The following ADGRB3 variants were observed in gnomAD, a reference collection of about 807,000 sequenced individuals.
ADGRB3 encodes the protein adhesion G protein-coupled receptor B3.
A neutral mutation model predicts 193.4 loss-of-function variants in ADGRB3; 37 were observed. That is an observed-to-expected ratio of 0.19 (90% CI 0.15 to 0.25). The LOEUF (loss-of-function observed/expected upper bound fraction) is 0.25, where lower values mean the gene tolerates loss of function less well. Among genes scored for constraint, ADGRB3 ranks in the 10% least tolerant of loss-of-function variants. The pLI is 1.00. For synonymous variants in ADGRB3, 690 were observed against 644.2 expected (o/e 1.07, Z -1.08); for missense variants, 1,637 against 1,852.9 (o/e 0.88, Z 2.14).
intron 17 of ADGRB3, among the ~76,000 whole-genome samples, chr6:69,116,543 C>T (rs1199126268): frequency 6.6e-6 from 1 of 152,058 alleles, no homozygotes; most frequent in Non-Finnish European, 1.5e-5. Flanking sequence ...TGATAATATA[C>T]ATGTAAGCTA....
At chr6:68,651,459 C>T (rs912980833) in intron 3 of ADGRB3, among the ~76,000 whole-genome samples, 1 of 151,994 alleles carries the variant, frequency 6.6e-6, no homozygotes, top group African/African-American at 2.4e-5. Context: ...CTTTGGTGTT[C>T]AATTGATAAT....
intron 20 of ADGRB3, among the ~76,000 whole-genome samples, chr6:69,251,285 G>A (rs935269214): frequency 3.9e-5 from 6 of 151,958 alleles, no homozygotes; most frequent in African/African-American, 1.2e-4. Context: ...AAATACAATC[G>A]TCTTAGAAAA....
At chr6:68,851,312 G>A (rs936310515) in intron 3 of ADGRB3, among the ~76,000 whole-genome samples, 1 of 151,434 alleles carries the variant, frequency 6.6e-6, no homozygotes, top group South Asian at 2.1e-4. Context: ...AAATATTATA[G>A]TATCGTCTTT....
At chr6:68,788,861 A>G (rs1459818570) in intron 3 of ADGRB3, among the ~76,000 whole-genome samples, 1 of 152,228 alleles carries the variant, frequency 6.6e-6, no homozygotes, top group African/African-American at 2.4e-5. Flanking sequence ...ATATACATAT[A>G]GGATAGTTAG....
intron 30 of ADGRB3, among the ~76,000 whole-genome samples, chr6:69,378,068 T>C (rs1769868650): frequency 6.6e-6 from 1 of 152,090 alleles, no homozygotes; most frequent in Admixed American, 6.6e-5. Flanking sequence ...AGTATACATT[T>C]ATTGAGCACC....
intron 13 of ADGRB3, among the ~76,000 whole-genome samples, chr6:69,037,387 A>G (rs1293207414): frequency 6.6e-6 from 1 of 152,154 alleles, no homozygotes; most frequent in Non-Finnish European, 1.5e-5. Flanking sequence ...ATAATTGCAG[A>G]GTTAGGTAGT....
intron 17 of ADGRB3, chr6:69,232,286 TTC>T: frequency 3.0e-6 from 2 of 674,588 alleles, no homozygotes; most frequent in South Asian, 3.8e-5. Flanking sequence ...TTTTTTCTTT[TTC>T]TCTCTTCCTG....
intron 3 of ADGRB3, among the ~76,000 whole-genome samples, chr6:68,743,347 T>TG (rs1292894694): frequency 2.2e-5 from 3 of 137,976 alleles, no homozygotes; most frequent in Non-Finnish European, 3.3e-5. Flanking sequence ...ACTTGTTTTT[T>TG]TTTTTGTGTG....
chr6:68,787,535 G>A (rs898145515), intron 3 of ADGRB3, among the ~76,000 whole-genome samples: 1 of 152,110 alleles, frequency 6.6e-6, no homozygotes, highest in African/African-American at 2.4e-5. Flanking sequence ...GCTTTTTGAT[G>A]TGCTGCCGGA....
At chr6:68,878,939 TACTC>T (rs530799992) in intron 3 of ADGRB3, among the ~76,000 whole-genome samples, 1 of 152,192 alleles carries the variant, frequency 6.6e-6, no homozygotes, top group Non-Finnish European at 1.5e-5. Flanking sequence ...TCGTGAGACT[TACTC>T]ACTATCAGGA....
intron 3 of ADGRB3, among the ~76,000 whole-genome samples, chr6:68,731,093 A>G (rs1765765672): frequency 6.6e-6 from 1 of 151,720 alleles, no homozygotes; most frequent in Non-Finnish European, 1.5e-5. Flanking sequence ...TAGGAAAGAA[A>G]TGCAAAAGAT....
At chr6:69,272,141 T>C (rs1767194982) in intron 20 of ADGRB3, among the ~76,000 whole-genome samples, 1 of 152,200 alleles carries the variant, frequency 6.6e-6, no homozygotes, top group Non-Finnish European at 1.5e-5. Context: ...CCTGGACAAT[T>C]GATAGGCATA....
intron 3 of ADGRB3, among the ~76,000 whole-genome samples, chr6:68,665,835 C>T (rs555320736): frequency 4.3e-4 from 65 of 151,802 alleles, no homozygotes; most frequent in African/African-American, 1.5e-3. Context: ...ATGTACAGAG[C>T]TCTTATGTTA....
intron 3 of ADGRB3, among the ~76,000 whole-genome samples, chr6:68,884,448 A>T (rs1034772157): frequency 2.6e-5 from 4 of 152,164 alleles, no homozygotes; most frequent in Admixed American, 2.6e-4. Context: ...AGAGAGTAAG[A>T]GCTTTAGGCT....
At chr6:68,903,705 A>C (rs1354837670) in intron 3 of ADGRB3, among the ~76,000 whole-genome samples, 1 of 151,972 alleles carries the variant, frequency 6.6e-6, no homozygotes, top group Non-Finnish European at 1.5e-5. Flanking sequence ...CTTTCTAATT[A>C]CTAACCTTAA....
At chr6:68,636,419 A>G (rs1442536481) in intron 1 of ADGRB3, among the ~76,000 whole-genome samples, 6 of 150,682 alleles carry the variant, frequency 4.0e-5, no homozygotes, top group Admixed American at 3.3e-4. Context: ...GCTAAACTCA[A>G]TGCTGGTTTG....
At chr6:69,133,928 C>A (rs1488719768) in intron 17 of ADGRB3, among the ~76,000 whole-genome samples, 1 of 152,080 alleles carries the variant, frequency 6.6e-6, no homozygotes, top group African/African-American at 2.4e-5. Context: ...TAAGTGAGAT[C>A]ATAAGATGTT....
chr6:68,872,832 T>G (rs1429064816), intron 3 of ADGRB3, among the ~76,000 whole-genome samples: 1 of 152,148 alleles, frequency 6.6e-6, no homozygotes, highest in East Asian at 1.9e-4. Context: ...ATAGTAGTTC[T>G]GGGTTCTGTG....
At chr6:68,877,020 CATCTT>C (rs1323847037) in intron 3 of ADGRB3, among the ~76,000 whole-genome samples, 1 of 151,990 alleles carries the variant, frequency 6.6e-6, no homozygotes, top group Non-Finnish European at 1.5e-5. Flanking sequence ...TTTTGAAACA[CATCTT>C]ATAAATCATC....
Sources: allele counts gnomAD v4.1 joint callset (sites outside exome capture counted in the v4.1 genomes callset), GRCh38; gene constraint gnomAD v4.1.1; transcripts MANE v1.5; gene names NCBI Gene and HGNC (gene_info 2026-07-23, HGNC 2026-07-21).